GPC5: variants seen among roughly 807,000 people sequenced by gnomAD.
The protein encoded by GPC5 is glypican-5.
GPC5 carries 47 observed loss-of-function variants against 53.9 expected under a neutral mutation model. That is an observed-to-expected ratio of 0.87 (90% confidence interval 0.69 to 1.11). The LOEUF (loss-of-function observed/expected upper bound fraction) is 1.11, where lower values mean the gene tolerates loss of function less well. Among genes scored for constraint, GPC5 ranks in the 50% most tolerant of loss-of-function variants. The pLI is 0.00. For synonymous variants in GPC5, 286 were observed against 263.3 expected (o/e 1.09, Z -0.84); for missense variants, 748 against 713.1 (o/e 1.05, Z -0.56).
intron 2 of GPC5, among the ~76,000 whole-genome samples, chr13:91,495,969 G>C (rs1050260705): frequency 6.6e-6 from 1 of 152,076 alleles, no homozygotes; most frequent in African/African-American, 2.4e-5. Flanking sequence ...GTTGCAGTGA[G>C]CCGAGATAGC....
chr13:92,117,448 C>T (rs1477851856), intron 6 of GPC5, among the ~76,000 whole-genome samples: 1 of 151,988 alleles, frequency 6.6e-6, no homozygotes, highest in Non-Finnish European at 1.5e-5. Flanking sequence ...TTAAAAATTG[C>T]TTTTGTTAAT....
chr13:92,837,891 G>C (rs1878271796), intron 7 of GPC5, among the ~76,000 whole-genome samples: 1 of 151,156 alleles, frequency 6.6e-6, no homozygotes, highest in Admixed American at 6.6e-5. Context: ...TCGGGAGTTT[G>C]AGACCAGCCT....
At chr13:92,437,904 A>G (rs1877379580) in intron 7 of GPC5, among the ~76,000 whole-genome samples, 1 of 152,108 alleles carries the variant, frequency 6.6e-6, no homozygotes, top group South Asian at 2.1e-4. Context: ...GCTAGAGAAA[A>G]CTGTTTTTAA....
rs7994701 is a variant in GPC5, at chr13:92,291,709, A to C, written c.1561+146720A>C. Among the ~76,000 whole-genome samples, 5 of 151,824 alleles carry C rather than the reference A, an allele frequency of 3.3e-5. No homozygotes were observed. In the East Asian group the frequency reaches 9.8e-4, roughly 30 times the overall value. On this transcript the variant is annotated intron_variant, in intron 7 of 7. Coordinates refer to ENST00000377067, the MANE Select transcript of GPC5 (RefSeq NM_004466.6). ...GCTGTTTGCAATAAATCTTGCTGCT[A>C]CTCCCTCTTTGGGTCCACACTGCCT... is the stretch of plus-strand genomic sequence containing the variant.
chr13:92,401,254 T>C (rs976092200), intron 7 of GPC5, among the ~76,000 whole-genome samples: 4 of 151,996 alleles, frequency 2.6e-5, no homozygotes, highest in Non-Finnish European at 4.4e-5. Context: ...AAGTTCTTTA[T>C]GGAAATGATA....
At chr13:92,373,049 G>T (rs1011714510) in intron 7 of GPC5, among the ~76,000 whole-genome samples, 1 of 152,062 alleles carries the variant, frequency 6.6e-6, no homozygotes, top group African/African-American at 2.4e-5. Context: ...AATAGTAATT[G>T]GTTTTAAATC....
intron 4 of GPC5, among the ~76,000 whole-genome samples, chr13:91,753,924 A>C (rs2037233376): frequency 1.3e-5 from 2 of 152,174 alleles, no homozygotes; most frequent in Non-Finnish European, 2.9e-5. Context: ...TGTTCTTAGA[A>C]GGCAGGTGCT....
chr13:92,476,960 G>A, intron 7 of GPC5, among the ~76,000 whole-genome samples: 1 of 148,502 alleles, frequency 6.7e-6, no homozygotes. Context: ...CGAGATAGTG[G>A]GTGCAGCGCA....
chr13:92,724,363 T>A (rs750132454), intron 7 of GPC5, among the ~76,000 whole-genome samples: 57 of 151,692 alleles, frequency 3.8e-4, no homozygotes, highest in Non-Finnish European at 7.8e-4. Context: ...ACCTTCTTTA[T>A]CATGTTAGAA....
chr13:91,520,860 A>T (rs920382266), intron 2 of GPC5, among the ~76,000 whole-genome samples: 1 of 152,080 alleles, frequency 6.6e-6, no homozygotes, highest in African/African-American at 2.4e-5. Flanking sequence ...ACAGATAATG[A>T]TTTCCTGTAG....
At chr13:92,639,972 TTCTC>T (rs1235990311) in intron 7 of GPC5, among the ~76,000 whole-genome samples, 1 of 148,442 alleles carries the variant, frequency 6.7e-6, no homozygotes, top group Admixed American at 6.7e-5. Context: ...ATTTTTTTTT[TTCTC>T]TCTCTCTCTC....
At chr13:92,021,029 C>A (rs1251999172) in intron 6 of GPC5, among the ~76,000 whole-genome samples, 1 of 152,208 alleles carries the variant, frequency 6.6e-6, no homozygotes, top group Admixed American at 6.5e-5. Context: ...TAATTTCATT[C>A]TTTTGCATGT....
intron 7 of GPC5, among the ~76,000 whole-genome samples, chr13:92,760,750 C>A (rs1478488204): frequency 6.6e-6 from 1 of 151,830 alleles, no homozygotes; most frequent in Admixed American, 6.6e-5. Flanking sequence ...TAATATTAAA[C>A]TATTTATTTG....
chr13:92,663,854 CACTATATATA>C (rs1244652593), intron 7 of GPC5, among the ~76,000 whole-genome samples: 2 of 75,316 alleles, frequency 2.7e-5, no homozygotes, highest in African/African-American at 1.0e-4. Flanking sequence ...TACACACACA[CACTATATATA>C]TATATATATA....
At chr13:92,031,483 A>G (rs2040840748) in intron 6 of GPC5, among the ~76,000 whole-genome samples, 1 of 151,288 alleles carries the variant, frequency 6.6e-6, no homozygotes. Context: ...TGATTGTACT[A>G]GTTTATATTC....
At chr13:91,712,600 T>C (rs1401389303) in intron 3 of GPC5, among the ~76,000 whole-genome samples, 1 of 152,128 alleles carries the variant, frequency 6.6e-6, no homozygotes, top group East Asian at 1.9e-4. Context: ...AGAGTGTCCT[T>C]CATTCACATT....
chr13:92,423,496 C>T (rs1344214382), intron 7 of GPC5, among the ~76,000 whole-genome samples: 1 of 152,008 alleles, frequency 6.6e-6, no homozygotes, highest in Non-Finnish European at 1.5e-5. Context: ...ATTTGTTAAT[C>T]TCATTAAGCA....
chr13:92,340,668 T>G (rs1358694944), intron 7 of GPC5: 2 of 152,190 alleles, frequency 1.3e-5, no homozygotes, highest in African/African-American at 4.8e-5. Context: ...CTTTGATTTT[T>G]GAAAGGGCTG....
intron 7 of GPC5, among the ~76,000 whole-genome samples, chr13:92,159,924 G>A (rs1327048646): frequency 6.9e-6 from 1 of 144,384 alleles, no homozygotes; most frequent in East Asian, 2.1e-4. Context: ...TTTTAATTGA[G>A]AGGAGTCTTG....
Sources: allele counts gnomAD v4.1 joint callset (sites outside exome capture counted in the v4.1 genomes callset), GRCh38; gene constraint gnomAD v4.1.1; transcripts MANE v1.5; gene names NCBI Gene and HGNC (gene_info 2026-07-23, HGNC 2026-07-21).